WDR88: variants seen among roughly 807,000 people sequenced by gnomAD.
WDR88 encodes WD repeat domain 88.
WDR88 carries 40 observed loss-of-function variants against 46.8 expected under a neutral mutation model. The observed-to-expected ratio is 0.86, with a 90% CI of 0.66 to 1.11. WDR88 has a LOEUF of 1.11. Ranked by LOEUF, WDR88 falls within the 50% of genes most tolerant of loss-of-function variation. The pLI, the probability that WDR88 is intolerant of heterozygous loss-of-function variation, is 0.00. For synonymous variants in WDR88, 235 were observed against 240.7 expected (o/e 0.98, Z 0.22); for missense variants, 562 against 602.4 (o/e 0.93, Z 0.70).
chr19:33,172,327 C>T (rs776269339), intron 9 of WDR88, 21 bp from the exon 10 acceptor site: 2 of 1,597,338 alleles, frequency 1.3e-6, no homozygotes, highest in South Asian at 2.2e-5. Flanking sequence ...TTTGTGACCG[C>T]TGGTTTGCTA....
intron 7 of WDR88, among the ~76,000 whole-genome samples, chr19:33,157,677 G>GTGTA (rs1235076425): frequency 5.8e-4 from 2 of 3,450 alleles, no homozygotes; most frequent in East Asian, 3.9e-3. Context: ...ATGTGTGTGT[G>GTGTA]TGTATGTATG....
At position 33,175,452 on chromosome 19, in the gene WDR88, G is replaced by A. The variant is rs539358526; in HGVS notation, c.1299G>A (p.Met433Ile). Residue 433 changes from methionine (M) to isoleucine (I), a missense_variant, in exon 11 of 11, where the codon ATG becomes ATA. Transcript: ENST00000355868. ...TCAAGAGTGACACCTCTTCTGAAATGTTCACCCAATGCGTGTTCTGCCGGA... is the reference window on the plus strand; with the variant it reads ...TCAAGAGTGACACCTCTTCTGAAATATTCACCCAATGCGTGTTCTGCCGGA... ...SIFKSDTSSE[M>I]FTQCVFCRID... 2.5e-6 allele frequency: 4 copies of A among 1,614,188 alleles called. No individual in the cohort carries two copies. The highest frequency in any genetic ancestry group is 2.2e-5 in the South Asian group (2 of 91,082).
At chr19:33,159,162 C>G (rs1338167211) in intron 7 of WDR88, among the ~76,000 whole-genome samples, 2 of 151,028 alleles carry the variant, frequency 1.3e-5, no homozygotes, top group Admixed American at 1.3e-4. Flanking sequence ...GAGACCCCAT[C>G]TCTACCAAAA....
chr19:33,149,883 C>T (rs1973597822), intron 5 of WDR88, among the ~76,000 whole-genome samples: 1 of 151,992 alleles, frequency 6.6e-6, no homozygotes, highest in African/African-American at 2.4e-5. Flanking sequence ...TGGTCTCGAG[C>T]TCCTGACCTC....
intron 2 of WDR88, among the ~76,000 whole-genome samples, chr19:33,143,317 A>C (rs1367539650): frequency 6.9e-6 from 1 of 145,594 alleles, no homozygotes; most frequent in East Asian, 2.0e-4. Flanking sequence ...CCTGGGTAAC[A>C]ACAGAGTGAG....
intron 5 of WDR88, among the ~76,000 whole-genome samples, chr19:33,150,177 C>T (rs964413532): frequency 3.9e-5 from 6 of 151,934 alleles, no homozygotes; most frequent in African/African-American, 9.7e-5. Flanking sequence ...ATGGGCTGGG[C>T]GTGGTGGCTC....
At chr19:33,135,051 GTGGGT>G (rs1431758058) in intron 1 of WDR88, among the ~76,000 whole-genome samples, 10 of 96,760 alleles carry the variant, frequency 1.0e-4, no homozygotes, top group African/African-American at 4.1e-4. Flanking sequence ...GCTGGGGTGG[GTGGGT>G]GGGGGGGGTG....
chr19:33,135,335 C>A (rs1486378856), intron 1 of WDR88, among the ~76,000 whole-genome samples: 2 of 152,180 alleles, frequency 1.3e-5, no homozygotes, highest in Admixed American at 6.6e-5. Context: ...TAGCTAACGT[C>A]CTCAAGGTTC....
At chr19:33,156,572 T>C in intron 7 of WDR88, 30 bp downstream of exon 7, 1 of 1,598,258 alleles carries the variant, frequency 6.3e-7, no homozygotes, top group Non-Finnish European at 8.5e-7. Flanking sequence ...AAGGCCTCCA[T>C]TCCTGTGGGA....
At chr19:33,155,228 C>T (rs1349705729) in intron 6 of WDR88, among the ~76,000 whole-genome samples, 1 of 152,088 alleles carries the variant, frequency 6.6e-6, no homozygotes, top group East Asian at 1.9e-4. Context: ...GCAACCTCCA[C>T]CTCCTGGGTT....
intron 3 of WDR88, among the ~76,000 whole-genome samples, chr19:33,145,812 G>A (rs948583979): frequency 1.3e-5 from 2 of 152,146 alleles, no homozygotes; most frequent in African/African-American, 4.8e-5. Context: ...GGGATTACAG[G>A]TGTGAGCCAC....
In WDR88 at chr19:33,175,540, T is replaced by C; in HGVS notation, c.1387T>C (p.Ser463Pro). The C allele has an allele frequency of 6.2e-7, 1 of 1,614,180 alleles. No individual in the cohort carries two copies. Among genetic ancestry groups the C allele is most frequent in the Middle Eastern group, 1.7e-4 (1 of 6,060 alleles). Reference protein sequence around the residue: ...SSSSSSERENSPPPRGSKDD With the variant: ...SSSSSSERENPPPPRGSKDD ...ATCATCATCATCGGAAAGGGAGAACTCACCGCCGCCAAGGGGAAGCAAGGA... is the reference window on the plus strand; with the variant it reads ...ATCATCATCATCGGAAAGGGAGAACCCACCGCCGCCAAGGGGAAGCAAGGA... Residue 463 changes from serine (S) to proline (P), a missense_variant, in exon 11 of 11, where the codon TCA (serine) becomes CCA (proline). Coordinates refer to ENST00000355868, the MANE Select transcript of WDR88 (RefSeq NM_173479.4).
intron 1 of WDR88, among the ~76,000 whole-genome samples, chr19:33,133,224 G>GAA (rs1281269260): frequency 6.9e-6 from 1 of 144,116 alleles, no homozygotes; most frequent in Non-Finnish European, 1.5e-5. Context: ...AAGAAAGAAA[G>GAA]AAAAAGAAAA....
Position 33,147,681 on chromosome 19 carries a change from C to T in WDR88, c.513C>T (p.Ala171=). The T allele has an allele frequency of 6.2e-7, 1 of 1,614,006 alleles. No individual in the cohort carries two copies. Among genetic ancestry groups the T allele is most frequent in the South Asian group, 1.1e-5 (1 of 91,074 alleles). ...CATCCTATGATAAGACAGTGAGGGC[C>T]TGGGACCTGGAGACAGGCAAGCTGC... ...IAASYDKTVR[A]WDLETGKLLW... is the part of the protein sequence containing the mutation. The change falls in exon 4 of 11, where the codon GCC becomes GCT. Residue 171 remains alanine, a synonymous_variant. Transcript: ENST00000355868.
chr19:33,172,342 T>C lies in WDR88; in HGVS notation c.1150-6T>C, dbSNP rs758968615. The C allele has an allele frequency of 6.8e-6, 11 of 1,610,594 alleles. No individual in the cohort carries two copies. In the Admixed American group the frequency reaches 1.9e-4, roughly 27 times the overall value. The stretch of plus-strand genomic sequence containing the variant: ...TTTGTGACCGCTGGTTTGCTATTTG[T>C]TTTAGGATAGGACCATGAGACTGTG... On this transcript the variant is annotated splice_polypyrimidine_tract_variant and splice_region_variant and intron_variant, in intron 9 of 10. Transcript: ENST00000355868.
intron 8 of WDR88, among the ~76,000 whole-genome samples, chr19:33,161,919 T>A (rs1973874014): frequency 6.6e-6 from 1 of 152,126 alleles, no homozygotes; most frequent in African/African-American, 2.4e-5. Flanking sequence ...GAGCTGAGAT[T>A]GCACCACTGG....
In WDR88 at chr19:33,137,760, C is replaced by T. The variant is rs372258440; in HGVS notation, c.360C>T (p.Gly120=). 4 of 1,613,536 alleles carry T rather than the reference C, an allele frequency of 2.5e-6. No homozygotes were observed. Among genetic ancestry groups the T allele is most frequent in the Non-Finnish European group, 3.4e-6 (4 of 1,180,004 alleles). ...FCVDDTKLLS[G]SYDCTVKLWD... is the part of the protein sequence containing the mutation. ...TGGATGACACAAAGCTCCTCAGTGG[C>T]TCCTATGACTGCACTGTGAAGCTGT... The change falls in exon 2 of 11, where the codon GGC becomes GGT. Residue 120 remains glycine, a synonymous_variant. Coordinates refer to ENST00000355868, the MANE Select transcript of WDR88 (RefSeq NM_173479.4).
chr19:33,133,202 G>T (rs1255953117), intron 1 of WDR88, among the ~76,000 whole-genome samples: 4 of 140,598 alleles, frequency 2.8e-5, no homozygotes, highest in African/African-American at 9.0e-5. Context: ...TAAATATAGA[G>T]AGAGAGAGAG....
intron 9 of WDR88, among the ~76,000 whole-genome samples, chr19:33,169,072 A>G (rs1400724492): frequency 6.6e-6 from 1 of 152,202 alleles, no homozygotes; most frequent in Non-Finnish European, 1.5e-5. Context: ...ACCCTTACCT[A>G]ATACTGTATA....
Sources: gnomAD v4.1 joint callset for allele counts (sites outside exome capture counted in the v4.1 genomes callset) on GRCh38, gnomAD v4.1.1 for gene constraint, MANE v1.5 for transcripts, NCBI Gene and HGNC (gene_info 2026-07-23, HGNC 2026-07-21) for gene names.